Variants in TEAD4 observed in about 807,000 individuals in gnomAD.
The protein encoded by TEAD4 is TEA domain transcription factor 4.
A neutral mutation model predicts 52.4 loss-of-function variants in TEAD4; 36 were observed. That is an observed-to-expected ratio of 0.69 (90% CI 0.53 to 0.91). TEAD4 has a LOEUF of 0.91. Among genes scored for constraint, TEAD4 ranks in the 40% least tolerant of loss-of-function variants. The probability of loss-of-function intolerance (pLI) is 0.00; values close to 1 mark genes in which losing one functional copy is unlikely to be tolerated. For synonymous variants in TEAD4, 220 were observed against 231.0 expected (o/e 0.95, Z 0.43); for missense variants, 508 against 583.9 (o/e 0.87, Z 1.34).
At chr12:3,034,380 T>C (rs2098277983) in intron 10 of TEAD4, among the ~76,000 whole-genome samples, 1 of 152,126 alleles carries the variant, frequency 6.6e-6, no homozygotes, top group Non-Finnish European at 1.5e-5. Context: ...CAACCTTGAT[T>C]GAAGGCCCAC....
At position 3,024,342 on chromosome 12, in the gene TEAD4, A is replaced by G. The variant is rs142811022; in HGVS notation, c.897+2325A>G. Among the ~76,000 whole-genome samples, 891 of 152,180 alleles carry G rather than the reference A, an allele frequency of 5.9e-3. 5 individuals carry two copies. Among genetic ancestry groups the G allele is most frequent in the African/African-American group, 0.02 (835 of 41,536 alleles). ...CTGCCCGCCTCAGCCTCCCAAAGTA[A>G]TGTTCACATTTTTTGACAATGTAGA... On this transcript the variant is annotated intron_variant, in intron 10 of 12. Transcript: ENST00000359864.
At chr12:2,961,589 C>T (rs1256337268) in intron 2 of TEAD4, among the ~76,000 whole-genome samples, 1 of 152,084 alleles carries the variant, frequency 6.6e-6, no homozygotes, top group Non-Finnish European at 1.5e-5. Flanking sequence ...GAGTCTCTCA[C>T]TACCTTTAAG....
chr12:2,977,608 C>G (rs2098230832), intron 2 of TEAD4, among the ~76,000 whole-genome samples: 1 of 152,212 alleles, frequency 6.6e-6, no homozygotes, highest in Non-Finnish European at 1.5e-5. Flanking sequence ...ATGCTCATCC[C>G]CATTTGACAG....
intron 2 of TEAD4, among the ~76,000 whole-genome samples, chr12:2,975,156 A>C (rs2098228459): frequency 7.2e-6 from 1 of 139,714 alleles, no homozygotes; most frequent in Admixed American, 7.7e-5. Flanking sequence ...GAGGAGAAAA[A>C]GTCTCTCAAC....
At chr12:2,978,924 G>C (rs1171857798) in intron 2 of TEAD4, among the ~76,000 whole-genome samples, 1 of 151,248 alleles carries the variant, frequency 6.6e-6, no homozygotes, top group African/African-American at 2.4e-5. Context: ...TTTTTTGTTT[G>C]TTTGTTTTGG....
intron 8 of TEAD4, among the ~76,000 whole-genome samples, 153 bp downstream of exon 8, chr12:3,019,323 A>T (rs1210803576): frequency 2.0e-5 from 3 of 151,926 alleles, no homozygotes; most frequent in African/African-American, 4.8e-5. Context: ...GCCACACCCC[A>T]TTCCTTTCCC....
At chr12:3,013,259 ATT>A (rs77874270) in intron 5 of TEAD4, among the ~76,000 whole-genome samples, 48 of 131,958 alleles carry the variant, frequency 3.6e-4, no homozygotes, top group Non-Finnish European at 4.8e-4. Context: ...GCCTGCAAAC[ATT>A]TTTTTTTTTT....
At chr12:2,987,574 A>T (rs971570159) in intron 2 of TEAD4, among the ~76,000 whole-genome samples, 6 of 151,650 alleles carry the variant, frequency 4.0e-5, no homozygotes, top group African/African-American at 1.2e-4. Flanking sequence ...AGCTGGGACT[A>T]CAGGTGCCCG....
chr12:2,971,546 G>A (rs2098225026), intron 2 of TEAD4, among the ~76,000 whole-genome samples: 1 of 151,724 alleles, frequency 6.6e-6, no homozygotes, highest in East Asian at 1.9e-4. Flanking sequence ...TGCGATCTCG[G>A]CTCACTGCAA....
intron 2 of TEAD4, among the ~76,000 whole-genome samples, chr12:2,990,148 T>G (rs1157482171): frequency 6.6e-6 from 1 of 152,206 alleles, no homozygotes; most frequent in Non-Finnish European, 1.5e-5. Flanking sequence ...ACCATTGGGT[T>G]TTTAATTTCA....
chr12:3,014,106 C>T (rs755098177), intron 5 of TEAD4, among the ~76,000 whole-genome samples: 3 of 152,202 alleles, frequency 2.0e-5, no homozygotes, highest in Admixed American at 1.3e-4. Context: ...CCTGGCACCT[C>T]GCTCCTTTTT....
At chr12:2,977,757 C>T (rs529721321) in intron 2 of TEAD4, among the ~76,000 whole-genome samples, 15 of 152,266 alleles carry the variant, frequency 9.9e-5, no homozygotes, top group African/African-American at 3.1e-4. Flanking sequence ...TGGCCTTTCC[C>T]GAGAACTTGT....
At chr12:2,969,759 G>A (rs939652511) in intron 2 of TEAD4, among the ~76,000 whole-genome samples, 9 of 152,170 alleles carry the variant, frequency 5.9e-5, no homozygotes, top group Admixed American at 1.3e-4. Flanking sequence ...GGCTGCCATC[G>A]TCTTTGTCCA....
intron 2 of TEAD4, among the ~76,000 whole-genome samples, chr12:2,967,684 G>A (rs2098221544): frequency 6.6e-6 from 1 of 152,200 alleles, no homozygotes; most frequent in Admixed American, 6.5e-5. Context: ...TTTAATGCCT[G>A]TTAGGTGCTA....
At chr12:3,032,120 G>A (rs78688024) in intron 10 of TEAD4, among the ~76,000 whole-genome samples, 3,077 of 152,362 alleles carry the variant, frequency 0.02, 53 homozygotes, top group Middle Eastern at 0.041. Context: ...GTGGCCCTGC[G>A]TGGAGACTAA....
chr12:2,967,138 A>G (rs1465220698), intron 2 of TEAD4, among the ~76,000 whole-genome samples: 2 of 152,194 alleles, frequency 1.3e-5, no homozygotes, highest in East Asian at 3.8e-4. Context: ...TCTCTCTTAA[A>G]ATTAATATAT....
rs979432740 is a variant in TEAD4, at chr12:2,959,807, G to GCGCTC, written c.-122-126_-122-122dup. The GCGCTC allele has an allele frequency of 6.6e-5, 10 of 151,286 alleles. No homozygotes were observed. The highest frequency in any genetic ancestry group is 1.9e-4 in the East Asian group (1 of 5,164). The allele number at this position is 151,286 out of a possible 1,614,324, so 9.4% of individuals were successfully genotyped here. A position where few individuals can be genotyped will look rare whatever the true frequency, so the allele number is the denominator to read the frequency against. The stretch of plus-strand genomic sequence containing the variant: ...ATTCTGGGAAAACTCCTCCCTCCGC[G>GCGCTC]CGCTCCGCTCCGCTCCGCTGGGCGC... On this transcript the variant is annotated intron_variant, in intron 1 of 12. Transcript: ENST00000359864. The surrounding 1 kb of genome is among the most constrained non-coding windows in gnomAD (Gnocchi z 5.1).
intron 3 of TEAD4, among the ~76,000 whole-genome samples, chr12:3,003,678 C>T (rs936831020): frequency 6.6e-6 from 1 of 152,164 alleles, no homozygotes; most frequent in African/African-American, 2.4e-5. Flanking sequence ...TGGGGGCTGT[C>T]GGACACATGT....
At chr12:3,018,258 T>C (rs1286072712) in intron 6 of TEAD4, among the ~76,000 whole-genome samples, 1 of 152,210 alleles carries the variant, frequency 6.6e-6, no homozygotes, top group Non-Finnish European at 1.5e-5. Flanking sequence ...CTGGGACTTT[T>C]CTGAGCCTTA....
Sources: allele counts gnomAD v4.1 joint callset (sites outside exome capture counted in the v4.1 genomes callset), GRCh38; gene constraint gnomAD v4.1.1; non-coding constraint Gnocchi (gnomAD v3.1); transcripts MANE v1.5; gene names NCBI Gene and HGNC (gene_info 2026-07-23, HGNC 2026-07-21).